PCM1: variants seen among roughly 807,000 people sequenced by gnomAD.
PCM1 encodes pericentriolar material 1 protein.
In PCM1, 157 loss-of-function variants were observed where a neutral mutation model predicts 241.9. The ratio of observed to expected loss-of-function variants is 0.65; its 90% CI spans 0.57 to 0.74. The LOEUF (loss-of-function observed/expected upper bound fraction) is 0.74, where lower values mean the gene tolerates loss of function less well. PCM1 is among the 30% of genes least tolerant of loss of function. The pLI is 0.00. For synonymous variants in PCM1, 1,085 were observed against 784.9 expected (o/e 1.38, Z -6.39); for missense variants, 3,478 against 2,360.1 (o/e 1.47, Z -9.81).
chr8:17,985,502 A>C lies in PCM1; in HGVS notation c.4164A>C (p.Glu1388Asp), dbSNP rs532457984. Residue 1388 changes from glutamate (E) to aspartate (D), a missense_variant, in exon 25 of 39, where the codon GAA (glutamate) becomes GAC (aspartate). Physicochemically the swap from Glu to Asp is conservative, Grantham distance 45. Coordinates refer to ENST00000325083, the MANE Select transcript of PCM1 (RefSeq NM_006197.4). ...CTTTGCGAGATACTATTTATTCTGA[A>C]GTAGCTACATTAATTTCTCAAAATG... is the stretch of plus-strand genomic sequence containing the variant. ...FEALRDTIYS[E>D]VATLISQNES... 1.3e-6 allele frequency: 2 copies of C among 1,573,126 alleles called. No homozygotes were observed. The highest frequency in any genetic ancestry group is 2.7e-5 in the African/African-American group (2 of 74,472).
In PCM1 at chr8:18,025,642, G is replaced by C; in HGVS notation, c.6033G>C (p.Glu2011Asp). The change falls in exon 38 of 39, where the codon GAG (glutamate) becomes GAC (aspartate). Residue 2011 changes from glutamate (E) to aspartate (D), a missense_variant. Physicochemically the swap from Glu to Asp is conservative, Grantham distance 45. Coordinates refer to ENST00000325083, the MANE Select transcript of PCM1 (RefSeq NM_006197.4). ...CCGAAGAATTAGCTGGAAATTCTGA[G>C]ACACTAAAAGAACCTGGTAAGAGTT... ...MQTEELAGNS[E>D]TLKEPETVGA... 1 of 1,549,470 alleles carries C rather than the reference G, an allele frequency of 6.5e-7. No individual in the cohort carries two copies. Among genetic ancestry groups the C allele is most frequent in the Non-Finnish European group, 8.8e-7 (1 of 1,139,158 alleles).
chr8:17,936,925 T>C (rs370451419), intron 3 of PCM1, among the ~76,000 whole-genome samples: 1 of 152,304 alleles, frequency 6.6e-6, no homozygotes, highest in African/African-American at 2.4e-5. Flanking sequence ...AAATAATCTC[T>C]TTTCAGAAGG....
At chr8:17,966,581 C>A in intron 20 of PCM1, 108 bp downstream of exon 20, 1 of 880,072 alleles carries the variant, frequency 1.1e-6, no homozygotes, top group Non-Finnish European at 1.7e-6. Flanking sequence ...CATATTTGGA[C>A]ATTCTCTTTC....
At chr8:17,966,930 A>C in intron 20 of PCM1, 50 bp from the exon 21 acceptor site, 1 of 1,468,488 alleles carries the variant, frequency 6.8e-7, no homozygotes, top group Non-Finnish European at 9.2e-7. Flanking sequence ...TGTACTTTAT[A>C]TATATGGCAA....
At chr8:18,005,106 T>C (rs1253956536) in intron 29 of PCM1, among the ~76,000 whole-genome samples, 2 of 152,184 alleles carry the variant, frequency 1.3e-5, no homozygotes, top group East Asian at 1.9e-4. Flanking sequence ...TTCAGAAATA[T>C]TTGTTGTTGC....
rs577963300 is a variant in PCM1 at position 17,951,150 on chromosome 8, C to G, written c.1071+426C>G. Among the ~76,000 whole-genome samples the G allele has an allele frequency of 6.1e-4, 93 of 152,278 alleles. 1 individual carries two copies. Among genetic ancestry groups the G allele is most frequent in the African/African-American group, 1.9e-3 (80 of 41,562 alleles). On this transcript the variant is annotated intron_variant, in intron 8 of 38. Transcript: ENST00000325083. ...AATTCTCATTTGAAGGAATATTTTACTAACAATTTTAAGAAAGTTCTTAAT... is the reference window on the plus strand; with the variant it reads ...AATTCTCATTTGAAGGAATATTTTAGTAACAATTTTAAGAAAGTTCTTAAT...
At chr8:17,969,495 T>C (rs1374992439) in intron 21 of PCM1, 82 bp from the exon 22 acceptor site, 5 of 1,024,274 alleles carry the variant, frequency 4.9e-6, no homozygotes, top group Non-Finnish European at 7.2e-6. Context: ...ATGACATGTT[T>C]AATTAAAACT....
At chr8:17,956,818 C>T (rs765383613) in intron 11 of PCM1, 41 bp downstream of exon 11, 1 of 1,444,998 alleles carries the variant, frequency 6.9e-7, no homozygotes, top group Non-Finnish European at 9.6e-7. Flanking sequence ...CATATTCATT[C>T]TGTCTTGATA....
chr8:17,979,740 CTTTTAA>C (rs1245971565), intron 23 of PCM1, among the ~76,000 whole-genome samples: 3 of 151,970 alleles, frequency 2.0e-5, no homozygotes, highest in Admixed American at 1.3e-4. Flanking sequence ...TTAATACATA[CTTTTAA>C]TTTGATTCCA....
At chr8:18,001,093 G>A (rs150756375) in intron 29 of PCM1, among the ~76,000 whole-genome samples, 229 of 152,340 alleles carry the variant, frequency 1.5e-3, no homozygotes, top group Middle Eastern at 6.8e-3. Context: ...CCTTGCAACT[G>A]TGATGTGGGA....
At chr8:17,945,636 T>A (rs548396230) in intron 6 of PCM1, among the ~76,000 whole-genome samples, 2 of 152,324 alleles carry the variant, frequency 1.3e-5, no homozygotes, top group East Asian at 3.9e-4. Flanking sequence ...TCATGCTCAT[T>A]CACAATACTG....
chr8:17,954,402 G>T (rs549117430), intron 9 of PCM1, among the ~76,000 whole-genome samples: 2 of 150,636 alleles, frequency 1.3e-5, no homozygotes, highest in Non-Finnish European at 3.0e-5. Context: ...ACTCCAGCCT[G>T]GGCAACAAAA....
rs1257371537 is a variant in PCM1 at position 17,937,329 on chromosome 8, G to T, written c.292G>T (p.Ala98Ser). ...YMSQMSVPEQ[A>S]ELEKLKQRIN... ...GAGTCAGATGTCTGTCCCAGAGCAG[G>T]CAGAATTAGAGAAACTGAAACAGCG... The change falls in exon 4 of 39, where the codon GCA (alanine) becomes TCA (serine). Residue 98 changes from alanine (A) to serine (S), a missense_variant. Transcript: ENST00000325083. The T allele has an allele frequency of 6.2e-7, 1 of 1,608,008 alleles. No homozygotes were observed. The highest frequency in any genetic ancestry group is 1.1e-5 in the South Asian group (1 of 89,642).
intron 16 of PCM1, 95 bp from the exon 17 acceptor site, chr8:17,963,006 C>A: frequency 2.5e-6 from 2 of 786,238 alleles, no homozygotes; most frequent in South Asian, 1.8e-5. Flanking sequence ...AGAATAGAAA[C>A]CTTTGTTGAT....
At position 17,963,294 on chromosome 8, in the gene PCM1, AAG is replaced by A. The variant is rs1291247578; in HGVS notation, c.2654+8_2654+9del. 7 of 1,575,666 alleles carry A rather than the reference AAG, an allele frequency of 4.4e-6. No homozygotes were observed. The highest frequency in any genetic ancestry group is 1.2e-5 in the South Asian group (1 of 82,276). ...CCTCAGCAAAGTAGAACAGAAAAGTAAGAGAGCTGCATAAATCACTTTTCTAA... is the reference window on the plus strand; with the variant it reads ...CCTCAGCAAAGTAGAACAGAAAAGTAAGAGCTGCATAAATCACTTTTCTAA... On this transcript the variant is annotated splice_donor_5th_base_variant and intron_variant, in intron 17 of 38. Coordinates refer to ENST00000325083, the MANE Select transcript of PCM1 (RefSeq NM_006197.4).
At chr8:17,999,095 C>G (rs574631022) in intron 29 of PCM1, among the ~76,000 whole-genome samples, 1 of 152,248 alleles carries the variant, frequency 6.6e-6, no homozygotes, top group East Asian at 1.9e-4. Flanking sequence ...TGTCCAGGAG[C>G]CAGGTTCTCG....
At chr8:17,983,310 G>C (rs763676424) in intron 24 of PCM1, 15 of 1,311,668 alleles carry the variant, frequency 1.1e-5, no homozygotes, top group Admixed American at 2.3e-5. Context: ...GCGTAGTTTT[G>C]GTGTCCACTT....
intron 24 of PCM1, among the ~76,000 whole-genome samples, chr8:17,983,014 A>G (rs986228128): frequency 4.6e-5 from 7 of 152,286 alleles, no homozygotes; most frequent in Middle Eastern, 3.4e-3. Flanking sequence ...GTTTATTATG[A>G]TAGTCATCAT....
chr8:18,000,808 A>T (rs2089106777), intron 29 of PCM1, among the ~76,000 whole-genome samples: 1 of 152,048 alleles, frequency 6.6e-6, no homozygotes, highest in South Asian at 2.1e-4. Flanking sequence ...TTTTTAGTAG[A>T]GATGGTGTTT....
Sources: gnomAD v4.1 joint callset for allele counts (sites outside exome capture counted in the v4.1 genomes callset) on GRCh38, gnomAD v4.1.1 for gene constraint, MANE v1.5 for transcripts, NCBI Gene and HGNC (gene_info 2026-07-23, HGNC 2026-07-21) for gene names.